The following ZNF808 variants were observed in gnomAD, a reference collection of about 807,000 sequenced individuals.
The protein encoded by ZNF808 is zinc finger protein 808.
Under a neutral mutation model 8.7 loss-of-function variants are expected in ZNF808, and 5 were observed. The ratio of observed to expected loss-of-function variants is 0.58; its 90% CI spans 0.30 to 1.21. The LOEUF (loss-of-function observed/expected upper bound fraction) is 1.21. Among genes scored for constraint, ZNF808 ranks in the 50% most tolerant of loss-of-function variants. ZNF808 has a pLI of 0.07. For missense variants in ZNF808, 1,103 were observed against 1,098.4 expected, an observed-to-expected ratio of 1.00 and a Z score of -0.06; for synonymous variants, 380 against 366.0, an observed-to-expected ratio of 1.04 and a Z score of -0.44.
chr19:52,529,293 G>C (rs1461420701), intron 1 of ZNF808, among the ~76,000 whole-genome samples: 1 of 152,050 alleles, frequency 6.6e-6, no homozygotes, highest in African/African-American at 2.4e-5. Context: ...GAGGTAGGAG[G>C]ATGACTTGAG....
chr19:52,558,090 T>TTC (rs2059844570), downstream of ZNF808, among the ~76,000 whole-genome samples: 1 of 145,910 alleles, frequency 6.9e-6, no homozygotes, highest in African/African-American at 2.5e-5. Context: ...TTTCTTTCTT[T>TTC]TTTTTTTTTT....
At chr19:52,538,008 T>G (rs1327888430) in intron 2 of ZNF808, among the ~76,000 whole-genome samples, 1 of 70,040 alleles carries the variant, frequency 1.4e-5, no homozygotes, top group African/African-American at 7.5e-5. Context: ...CATAATACTT[T>G]TAATTAATTA....
intron 2 of ZNF808, among the ~76,000 whole-genome samples, chr19:52,539,785 T>C (rs2059652624): frequency 1.3e-5 from 2 of 151,964 alleles, no homozygotes; most frequent in South Asian, 4.2e-4. Context: ...ACTCCTGACC[T>C]CAGGTGATCC....
chr19:52,560,671 T>TAATA (rs2059853346), downstream of ZNF808, among the ~76,000 whole-genome samples: 1 of 152,182 alleles, frequency 6.6e-6, no homozygotes. Flanking sequence ...CTTGCCCATA[T>TAATA]TGTAATTTGC....
chr19:52,537,313 AAAAAG>A (rs1248699769), intron 2 of ZNF808, among the ~76,000 whole-genome samples: 5 of 152,090 alleles, frequency 3.3e-5, no homozygotes, highest in Admixed American at 2.0e-4. Context: ...AATCCCAGGG[AAAAAG>A]AAAAGAAAAC....
intron 2 of ZNF808, among the ~76,000 whole-genome samples, chr19:52,535,622 A>G (rs1157847215): frequency 2.6e-5 from 4 of 152,338 alleles, no homozygotes; most frequent in East Asian, 1.9e-4. Context: ...AGCTGAGCAC[A>G]GGGTGGACCC....
At chr19:52,551,218 G>A (rs1026321924) in intron 4 of ZNF808, among the ~76,000 whole-genome samples, 1 of 152,066 alleles carries the variant, frequency 6.6e-6, no homozygotes, top group African/African-American at 2.4e-5. Context: ...TGGGCGTTTT[G>A]GTATGCACCT....
downstream of ZNF808, among the ~76,000 whole-genome samples, chr19:52,565,816 G>A (rs1353525785): frequency 6.6e-6 from 1 of 152,164 alleles, no homozygotes; most frequent in Non-Finnish European, 1.5e-5. Context: ...GAACCAAGGT[G>A]TATCTTATAT....
chr19:52,528,824 A>G (rs1324538851), intron 1 of ZNF808, among the ~76,000 whole-genome samples: 1 of 152,066 alleles, frequency 6.6e-6, no homozygotes, highest in African/African-American at 2.4e-5. Flanking sequence ...AGATGGGTGA[A>G]GAGGCAGAAA....
At chr19:52,537,125 G>A (rs1172677313) in intron 2 of ZNF808, among the ~76,000 whole-genome samples, 1 of 152,122 alleles carries the variant, frequency 6.6e-6, no homozygotes, top group Non-Finnish European at 1.5e-5. Flanking sequence ...GGCGGAGGTT[G>A]CGGTGAGCCG....
intron 1 of ZNF808, among the ~76,000 whole-genome samples, chr19:52,531,786 A>C (rs2059564098): frequency 6.6e-6 from 1 of 152,208 alleles, no homozygotes; most frequent in African/African-American, 2.4e-5. Context: ...ACTAAGGGCA[A>C]TGAATATATA....
intron 3 of ZNF808, among the ~76,000 whole-genome samples, chr19:52,561,731 G>C (rs1236722523): frequency 1.3e-5 from 2 of 151,968 alleles, no homozygotes; most frequent in East Asian, 3.9e-4. Flanking sequence ...ATTTGTATTA[G>C]AGATGGTGTT....
At chr19:52,536,389 C>G (rs554670622) in intron 2 of ZNF808, among the ~76,000 whole-genome samples, 7 of 152,294 alleles carry the variant, frequency 4.6e-5, no homozygotes, top group East Asian at 1.9e-4. Context: ...CCAGCCTCTC[C>G]GTCTTCGGCC....
At chr19:52,561,127 C>CATTG (rs1568494834), downstream of ZNF808, among the ~76,000 whole-genome samples, 1 of 144,590 alleles carries the variant, frequency 6.9e-6, no homozygotes, top group African/African-American at 2.6e-5. Context: ...CCAGCTCAGC[C>CATTG]CTTGTATCCC....
rs5828510 is a variant in ZNF808, at chr19:52,529,214, C to CA, written c.-122+1517dup. ...AACATAGTGAGACCCCTATCTCTGC[C>CA]AAAAAAAAAAAAAAGGAAATAACGG... On this transcript the variant is annotated intron_variant, in intron 1 of 4. Transcript: ENST00000359798. Among the ~76,000 whole-genome samples the CA allele has an allele frequency of 8.5e-3, 1,083 of 127,366 alleles. 6 individuals carry two copies. The highest frequency in any genetic ancestry group is 0.024 in the African/African-American group (867 of 36,480). 83.6% of individuals were successfully genotyped at this position (127,366 alleles called of 152,430 possible). A position where few individuals can be genotyped will look rare whatever the true frequency, so the allele number is the denominator to read the frequency against.
At chr19:52,561,705 A>G (rs192614887) in intron 3 of ZNF808, among the ~76,000 whole-genome samples, 1 of 152,048 alleles carries the variant, frequency 6.6e-6, no homozygotes, top group Non-Finnish European at 1.5e-5. Flanking sequence ...GTACCACCAC[A>G]CCCAGCTAAT....
intron 2 of ZNF808, among the ~76,000 whole-genome samples, chr19:52,539,438 C>T (rs2059647213): frequency 6.6e-6 from 1 of 151,718 alleles, no homozygotes; most frequent in African/African-American, 2.4e-5. Context: ...GATCCACCGC[C>T]TTGGCCTCCC....
intron 1 of ZNF808, among the ~76,000 whole-genome samples, chr19:52,528,679 T>A (rs866556272): frequency 6.6e-6 from 1 of 150,882 alleles, no homozygotes; most frequent in South Asian, 2.1e-4. Flanking sequence ...CAGAGCAGAG[T>A]GGTGCTGGTG....
chr19:52,527,912 C>T (rs975209104), intron 1 of ZNF808: 16 of 152,500 alleles, frequency 1.0e-4, no homozygotes, highest in African/African-American at 3.9e-4. Context: ...CGTCCCGGGT[C>T]TGTCTGCTAT....
Sources: allele counts gnomAD v4.1 joint callset (sites outside exome capture counted in the v4.1 genomes callset), GRCh38; gene constraint gnomAD v4.1.1; transcripts MANE v1.5; gene names NCBI Gene and HGNC (gene_info 2026-07-23, HGNC 2026-07-21).